Variants in ADAMTSL1 observed in about 807,000 individuals in gnomAD.
ADAMTSL1 encodes ADAMTS like 1.
Under a neutral mutation model 201.8 loss-of-function variants are expected in ADAMTSL1, and 126 were observed. That is an observed-to-expected ratio of 0.62 (90% confidence interval 0.54 to 0.72). The LOEUF is 0.72. Ranked by LOEUF, ADAMTSL1 falls within the 30% of genes least tolerant of loss-of-function variation. The pLI is 0.00. For synonymous variants in ADAMTSL1, 1,121 were observed against 903.4 expected (o/e 1.24, Z -4.32); for missense variants, 2,679 against 2,277.8 (o/e 1.18, Z -3.59).
intron 15 of ADAMTSL1, among the ~76,000 whole-genome samples, chr9:18,735,367 C>T (rs754339684): frequency 3.9e-5 from 6 of 152,140 alleles, no homozygotes; most frequent in South Asian, 2.1e-4. Context: ...TGAATTATTG[C>T]TCTCTCCTTA....
intron 2 of ADAMTSL1, among the ~76,000 whole-genome samples, chr9:18,358,920 G>A (rs777669189): frequency 2.0e-5 from 3 of 152,110 alleles, no homozygotes; most frequent in Non-Finnish European, 4.4e-5. Flanking sequence ...CTAACTAGTA[G>A]CGATTATTGT....
chr9:18,488,056 A>G (rs980900239), intron 1 of ADAMTSL1, among the ~76,000 whole-genome samples: 2 of 152,248 alleles, frequency 1.3e-5, no homozygotes, highest in Non-Finnish European at 2.9e-5. Flanking sequence ...GCAATGCTGT[A>G]TCAGTCTTTC....
chr9:18,735,337 G>C (rs544052106), intron 15 of ADAMTSL1, among the ~76,000 whole-genome samples: 4 of 152,204 alleles, frequency 2.6e-5, no homozygotes, highest in African/African-American at 9.6e-5. Flanking sequence ...GAAACTAGGT[G>C]TTATAGAAGT....
intron 1 of ADAMTSL1, among the ~76,000 whole-genome samples, chr9:18,499,635 A>T (rs1338484037): frequency 6.6e-6 from 1 of 152,198 alleles, no homozygotes; most frequent in East Asian, 1.9e-4. Context: ...TCCATTTGAT[A>T]CAGCCACATA....
At chr9:18,067,851 A>T (rs1425026053) in intron 1 of ADAMTSL1, among the ~76,000 whole-genome samples, 5 of 152,186 alleles carry the variant, frequency 3.3e-5, no homozygotes. Flanking sequence ...TTATTGAAGC[A>T]TAAGAGGGTT....
At chr9:18,058,578 G>A (rs1807855994) in intron 1 of ADAMTSL1, among the ~76,000 whole-genome samples, 2 of 151,866 alleles carry the variant, frequency 1.3e-5, no homozygotes, top group African/African-American at 4.8e-5. Flanking sequence ...GGGATGAATG[G>A]AATTTCACTG....
chr9:18,179,404 T>C (rs1828345041), intron 2 of ADAMTSL1, among the ~76,000 whole-genome samples: 1 of 152,144 alleles, frequency 6.6e-6, no homozygotes, highest in African/African-American at 2.4e-5. Context: ...GTCTGACTGG[T>C]GTACCTGAAA....
chr9:18,667,703 T>G (rs530175204), intron 9 of ADAMTSL1, among the ~76,000 whole-genome samples: 3 of 152,258 alleles, frequency 2.0e-5, no homozygotes, highest in Non-Finnish European at 4.4e-5. Flanking sequence ...ACGGTTATGA[T>G]GATGTTGATG....
At chr9:18,413,327 G>C (rs1443395751) in intron 2 of ADAMTSL1, among the ~76,000 whole-genome samples, 3 of 151,882 alleles carry the variant, frequency 2.0e-5, no homozygotes, top group African/African-American at 4.8e-5. Flanking sequence ...ACCACACCTG[G>C]CTAATTTTTG....
intron 19 of ADAMTSL1, among the ~76,000 whole-genome samples, chr9:18,788,447 A>C (rs554815499): frequency 1.4e-5 from 2 of 146,564 alleles, no homozygotes; most frequent in East Asian, 2.2e-4. Flanking sequence ...GCCCCGGTAG[A>C]TTCCTGGATG....
At position 17,928,757 on chromosome 9, in the gene ADAMTSL1, C is replaced by A. The variant is rs539837159; in HGVS notation, c.87+21835C>A. Among the ~76,000 whole-genome samples the A allele has an allele frequency of 2.6e-4, 39 of 152,160 alleles. No individual in the cohort carries two copies. The South Asian group carries it at 6.6e-3, about 26-fold the overall frequency. On this transcript the variant is annotated intron_variant, in intron 1 of 29. Transcript: ENST00000680146. ...AGATCCTATCTCTAACAAGAACAAG[C>A]AAATAAATTATATATTTTTTGTGCA...
intron 2 of ADAMTSL1, among the ~76,000 whole-genome samples, chr9:18,292,487 G>A (rs999708227): frequency 1.3e-5 from 2 of 152,174 alleles, no homozygotes; most frequent in African/African-American, 2.4e-5. Context: ...GTGTGTCTGT[G>A]AGGGTGTTGC....
intron 2 of ADAMTSL1, among the ~76,000 whole-genome samples, chr9:18,233,685 T>G (rs573493587): frequency 6.6e-6 from 1 of 152,266 alleles, no homozygotes; most frequent in African/African-American, 2.4e-5. Context: ...TTGGAAAGAA[T>G]GATGAGAGAT....
chr9:18,645,226 G>T (rs189637169), intron 7 of ADAMTSL1, among the ~76,000 whole-genome samples: 6,583 of 152,236 alleles, frequency 0.043, 195 homozygotes, highest in South Asian at 0.086. Context: ...CCCACTTTTT[G>T]ATGGGGTTGT....
intron 4 of ADAMTSL1, among the ~76,000 whole-genome samples, chr9:18,580,424 T>C (rs1284320102): frequency 2.0e-5 from 3 of 152,198 alleles, no homozygotes; most frequent in African/African-American, 7.2e-5. Flanking sequence ...CCAAAGGTGA[T>C]GATGTCAGAA....
intron 2 of ADAMTSL1, among the ~76,000 whole-genome samples, chr9:18,424,454 C>T (rs1014595270): frequency 5.3e-5 from 8 of 152,146 alleles, no homozygotes; most frequent in Non-Finnish European, 1.2e-4. Context: ...ACATTACCAT[C>T]AATCAATATA....
At chr9:18,197,292 T>C (rs557926528) in intron 2 of ADAMTSL1, among the ~76,000 whole-genome samples, 7 of 152,264 alleles carry the variant, frequency 4.6e-5, no homozygotes, top group South Asian at 4.1e-4. Context: ...TTCACAAGAC[T>C]GATTCTTCCA....
chr9:18,187,035 G>A (rs970678924), intron 2 of ADAMTSL1, among the ~76,000 whole-genome samples: 1 of 152,114 alleles, frequency 6.6e-6, no homozygotes, highest in Admixed American at 6.5e-5. Flanking sequence ...AGTGGAAGTG[G>A]TCATCTCTTG....
In ADAMTSL1 at chr9:18,607,416, A is replaced by G. The variant is rs188307291; in HGVS notation, c.475-14827A>G. Among the ~76,000 whole-genome samples, 101 of 152,278 alleles carry G rather than the reference A, an allele frequency of 6.6e-4. 1 individual carries two copies. The highest frequency in any genetic ancestry group is 2.3e-3 in the African/African-American group (97 of 41,548). ...TAGACCCACTTTGTAGAATATGGGG[A>G]CTTTTCAATTTAGATTCACATAGAT... On this transcript the variant is annotated intron_variant, in intron 4 of 28. Transcript: ENST00000380548.
Sources: allele counts gnomAD v4.1 joint callset (sites outside exome capture counted in the v4.1 genomes callset), GRCh38; gene constraint gnomAD v4.1.1; transcripts MANE v1.5; gene names NCBI Gene and HGNC (gene_info 2026-07-23, HGNC 2026-07-21).